PXDNL: variants seen among roughly 807,000 people sequenced by gnomAD.
The protein encoded by PXDNL is probable oxidoreductase PXDNL.
Under a neutral mutation model 150.8 loss-of-function variants are expected in PXDNL, and 145 were observed. That is an observed-to-expected ratio of 0.96 (90% CI 0.84 to 1.10). The LOEUF is 1.10. Among genes scored for constraint, PXDNL ranks in the 50% least tolerant of loss-of-function variants. The pLI, the probability that PXDNL is intolerant of heterozygous loss-of-function variation, is 0.00. For synonymous variants in PXDNL, 757 were observed against 725.7 expected (o/e 1.04, Z -0.69); for missense variants, 2,087 against 1,873.9 (o/e 1.11, Z -2.10).
intron 2 of PXDNL, among the ~76,000 whole-genome samples, chr8:51,607,613 G>A (rs1813864723): frequency 6.7e-6 from 1 of 150,080 alleles, no homozygotes; most frequent in South Asian, 2.1e-4. Context: ...GGCCGAGGTG[G>A]GTGGATCACC....
intron 2 of PXDNL, among the ~76,000 whole-genome samples, chr8:51,609,658 A>C (rs1180947415): frequency 6.6e-6 from 1 of 152,240 alleles, no homozygotes; most frequent in Non-Finnish European, 1.5e-5. Flanking sequence ...GATAAATCCA[A>C]GAACAAGAAT....
chr8:51,643,084 G>T (rs1168006363), intron 2 of PXDNL, among the ~76,000 whole-genome samples: 1 of 152,152 alleles, frequency 6.6e-6, no homozygotes, highest in African/African-American at 2.4e-5. Context: ...TCATGGGTAG[G>T]AAGAATCAAT....
At chr8:51,723,465 G>A (rs1364309969) in intron 1 of PXDNL, among the ~76,000 whole-genome samples, 1 of 152,220 alleles carries the variant, frequency 6.6e-6, no homozygotes, top group Non-Finnish European at 1.5e-5. Flanking sequence ...TCCTGCACGG[G>A]CGATATCAGC....
At chr8:51,391,601 C>T (rs1425373886) in intron 17 of PXDNL, among the ~76,000 whole-genome samples, 12 of 151,900 alleles carry the variant, frequency 7.9e-5, no homozygotes, top group African/African-American at 2.4e-4. Flanking sequence ...TTGTTTTTTT[C>T]TTGTAAATTT....
At chr8:51,704,850 G>C (rs7828353) in intron 1 of PXDNL, among the ~76,000 whole-genome samples, 12,016 of 152,046 alleles carry the variant, frequency 0.079, 700 homozygotes, top group African/African-American at 0.17. Flanking sequence ...TTCTAGGACT[G>C]TGTATATTCT....
At chr8:51,358,897 C>T (rs1806615516) in intron 19 of PXDNL, among the ~76,000 whole-genome samples, 1 of 152,192 alleles carries the variant, frequency 6.6e-6, no homozygotes, top group Admixed American at 6.5e-5. Context: ...GGGGGAACCA[C>T]GCCCAGCCCT....
At chr8:51,787,056 A>G (rs1338510631) in intron 1 of PXDNL, among the ~76,000 whole-genome samples, 1 of 148,192 alleles carries the variant, frequency 6.7e-6, no homozygotes, top group African/African-American at 2.5e-5. Context: ...TTTACAGCAG[A>G]GTTTACTGAA....
At chr8:51,606,013 A>C (rs979961981) in intron 2 of PXDNL, among the ~76,000 whole-genome samples, 2 of 152,166 alleles carry the variant, frequency 1.3e-5, no homozygotes, top group African/African-American at 4.8e-5. Context: ...GTAAGAAATT[A>C]ATTTATTTTA....
At chr8:51,572,335 A>C (rs1812963630) in intron 3 of PXDNL, among the ~76,000 whole-genome samples, 1 of 151,892 alleles carries the variant, frequency 6.6e-6, no homozygotes, top group Non-Finnish European at 1.5e-5. Context: ...CAGATATACC[A>C]CACTTAAGCA....
At chr8:51,653,004 A>G (rs1815073454) in intron 2 of PXDNL, among the ~76,000 whole-genome samples, 1 of 152,060 alleles carries the variant, frequency 6.6e-6, no homozygotes, top group Non-Finnish European at 1.5e-5. Flanking sequence ...TCTAATGAAA[A>G]TATTTTATAA....
chr8:51,696,836 C>T (rs1304159591), intron 1 of PXDNL, among the ~76,000 whole-genome samples: 3 of 144,526 alleles, frequency 2.1e-5, no homozygotes, highest in African/African-American at 2.6e-5. Flanking sequence ...CACACACACA[C>T]ACAGGTCCTG....
Position 51,453,837 on chromosome 8 carries a change from A to T in PXDNL, c.983-52T>A, listed in dbSNP as rs73581424. ...AATCCAGCAAGTAGCAGTTAGGAAG[A>T]TTTATTTATTCTGCATTGTGGTTTT... On this transcript the variant is annotated intron_variant, in intron 9 of 22. Coordinates refer to ENST00000356297, the MANE Select transcript of PXDNL (RefSeq NM_144651.5). 8.1e-3 allele frequency: 12,753 copies of T among 1,581,810 alleles called. 827 individuals are homozygous for T. In the African/African-American group the frequency reaches 0.15, roughly 19 times the overall value.
At chr8:51,754,979 T>C (rs1185033629) in intron 1 of PXDNL, among the ~76,000 whole-genome samples, 2 of 152,166 alleles carry the variant, frequency 1.3e-5, no homozygotes, top group Admixed American at 1.3e-4. Context: ...TGCCTGAGAC[T>C]GGGATTACAG....
chr8:51,610,707 C>T (rs2130712910), intron 2 of PXDNL, among the ~76,000 whole-genome samples: 1 of 152,324 alleles, frequency 6.6e-6, no homozygotes, highest in Admixed American at 6.5e-5. Context: ...GAATTCCCAT[C>T]TAGAGTAAGG....
intron 1 of PXDNL, among the ~76,000 whole-genome samples, chr8:51,758,802 A>C (rs1157659259): frequency 6.6e-6 from 1 of 152,178 alleles, no homozygotes; most frequent in Non-Finnish European, 1.5e-5. Flanking sequence ...ACCCAGTCTC[A>C]GGCAGGTCTC....
At chr8:51,493,273 C>G (rs1286696826) in intron 5 of PXDNL, among the ~76,000 whole-genome samples, 2 of 152,074 alleles carry the variant, frequency 1.3e-5, no homozygotes, top group Non-Finnish European at 2.9e-5. Context: ...ACACCAAAAC[C>G]CCATCTGTAC....
chr8:51,441,170 G>C (rs1006152222), intron 12 of PXDNL, among the ~76,000 whole-genome samples: 5 of 152,086 alleles, frequency 3.3e-5, no homozygotes, highest in African/African-American at 1.2e-4. Flanking sequence ...CCCTCTGCTC[G>C]GCACTCATTC....
At chr8:51,613,459 G>A (rs541782283) in intron 2 of PXDNL, among the ~76,000 whole-genome samples, 4 of 117,944 alleles carry the variant, frequency 3.4e-5, no homozygotes, top group Admixed American at 8.6e-5. Context: ...AAGAGGATCC[G>A]GGGAAACCTC....
chr8:51,671,137 C>T (rs1815491972), intron 1 of PXDNL, among the ~76,000 whole-genome samples: 1 of 152,104 alleles, frequency 6.6e-6, no homozygotes, highest in Admixed American at 6.6e-5. Context: ...GCTGTATATT[C>T]TTATTTGGAA....
Sources: allele counts gnomAD v4.1 joint callset (sites outside exome capture counted in the v4.1 genomes callset), GRCh38; gene constraint gnomAD v4.1.1; transcripts MANE v1.5; gene names NCBI Gene and HGNC (gene_info 2026-07-23, HGNC 2026-07-21).